Variants in LRRK1 observed in about 807,000 individuals in gnomAD.
The protein encoded by LRRK1 is leucine rich repeat kinase 1.
A neutral mutation model predicts 209.1 loss-of-function variants in LRRK1; 113 were observed. That is an observed-to-expected ratio of 0.54 (90% confidence interval 0.46 to 0.63). The LOEUF (loss-of-function observed/expected upper bound fraction) is 0.63, where lower values mean the gene tolerates loss of function less well. Ranked by LOEUF, LRRK1 falls within the 30% of genes least tolerant of loss-of-function variation. The pLI is 0.00. For synonymous variants in LRRK1, 1,144 were observed against 1,099.7 expected, an observed-to-expected ratio of 1.04 and a Z score of -0.80; for missense variants, 2,284 against 2,632.2, an observed-to-expected ratio of 0.87 and a Z score of 2.89.
At chr15:101,048,254 T>A (rs957676812) in intron 21 of LRRK1, among the ~76,000 whole-genome samples, 4 of 152,164 alleles carry the variant, frequency 2.6e-5, no homozygotes, top group Admixed American at 2.6e-4. Context: ...GGGAAAAAAA[T>A]TTTAAAGGAA....
At chr15:100,957,778 T>C (rs1020909313) in intron 2 of LRRK1, among the ~76,000 whole-genome samples, 1 of 152,248 alleles carries the variant, frequency 6.6e-6, no homozygotes, top group Non-Finnish European at 1.5e-5. Context: ...ATTGGAAAAG[T>C]CAATCCATTT....
At chr15:101,053,977 A>G (rs570503848) in intron 26 of LRRK1, among the ~76,000 whole-genome samples, 1 of 152,196 alleles carries the variant, frequency 6.6e-6, no homozygotes, top group Non-Finnish European at 1.5e-5. Flanking sequence ...TTTTTTAAAC[A>G]GAATTCTTTA....
rs2033853221 is a variant in LRRK1, at chr15:101,022,668, C to G, written c.2067+71C>G. ...TCCCTTGGACTCCTTCTCCCTTCTC[C>G]CCAGAGAGCCCAGGATTTTCTCAGC... On this transcript the variant is annotated intron_variant, in intron 15 of 33. Coordinates refer to ENST00000388948, the MANE Select transcript of LRRK1 (RefSeq NM_024652.6). This position sits in a 1 kb window ranked among gnomAD's most constrained non-coding sequence, Gnocchi z 4.0. 1 of 1,090,652 alleles carries G rather than the reference C, an allele frequency of 9.2e-7. No homozygotes were observed. Among genetic ancestry groups the G allele is most frequent in the East Asian group, 2.6e-5 (1 of 38,636 alleles). The allele number at this position is 1,090,652 out of a possible 1,614,324, so 67.6% of individuals were successfully genotyped here.
intron 3 of LRRK1, among the ~76,000 whole-genome samples, chr15:100,978,090 T>TA (rs368818368): frequency 1.3e-5 from 2 of 151,448 alleles, no homozygotes; most frequent in Non-Finnish European, 2.9e-5. Flanking sequence ...ATTTTAAAAT[T>TA]AAAAAAAAAC....
intron 15 of LRRK1, among the ~76,000 whole-genome samples, chr15:101,023,801 C>A (rs1215172036): frequency 6.6e-6 from 1 of 152,232 alleles, no homozygotes; most frequent in African/African-American, 2.4e-5. Flanking sequence ...GGGTGAAGCG[C>A]TGCCTGTTGG....
At position 100,962,818 on chromosome 15, in the gene LRRK1, TATATA is replaced by T. The variant is rs1343339115; in HGVS notation, c.98-10985_98-10981del. 1.8e-3 allele frequency among the ~76,000 whole-genome samples: 60 copies of T among 33,324 alleles called. 1 individual carries two copies. Among genetic ancestry groups the T allele is most frequent in the African/African-American group, 5.0e-3 (45 of 9,014 alleles). 21.9% of individuals were successfully genotyped at this position (33,324 alleles called of 152,430 possible). A position where few individuals can be genotyped will look rare whatever the true frequency, so the allele number is the denominator to read the frequency against. On this transcript the variant is annotated intron_variant, in intron 2 of 33. Coordinates refer to ENST00000388948, the MANE Select transcript of LRRK1 (RefSeq NM_024652.6). ...GCATATATATATATATATATATATA[TATATA>T]TTTTTTTTTTTTTTTTTGAGATGGA...
chr15:101,012,754 C>T (rs1173174312), intron 10 of LRRK1, among the ~76,000 whole-genome samples: 2 of 152,258 alleles, frequency 1.3e-5, no homozygotes, highest in African/African-American at 4.8e-5. Flanking sequence ...GCGACCCCCA[C>T]AAGGCAGCGA....
chr15:100,994,252 G>A (rs531904174), intron 6 of LRRK1, among the ~76,000 whole-genome samples: 42 of 152,262 alleles, frequency 2.8e-4, no homozygotes, highest in Admixed American at 6.5e-4. Context: ...TTAGACTCCC[G>A]AACACAGTTC....
intron 2 of LRRK1, among the ~76,000 whole-genome samples, chr15:100,927,323 C>T (rs2042133480): frequency 6.6e-6 from 1 of 152,188 alleles, no homozygotes; most frequent in Non-Finnish European, 1.5e-5. Flanking sequence ...AAGTGTGGCA[C>T]TCCCCAGCCC....
At chr15:101,008,057 C>G (rs1201496859) in intron 6 of LRRK1, among the ~76,000 whole-genome samples, 1 of 142,830 alleles carries the variant, frequency 7.0e-6, no homozygotes, top group Non-Finnish European at 1.5e-5. Flanking sequence ...GCAGGAGAAT[C>G]GCTTGAACCC....
At chr15:100,939,429 G>C (rs2042361166) in intron 2 of LRRK1, among the ~76,000 whole-genome samples, 1 of 152,194 alleles carries the variant, frequency 6.6e-6, no homozygotes, top group African/African-American at 2.4e-5. Context: ...ATTAGATTTA[G>C]TAAGATGTTT....
In LRRK1 at chr15:101,029,156, T is replaced by G; in HGVS notation, c.2887T>G (p.Phe963Val). 1 of 1,614,162 alleles carries G rather than the reference T, an allele frequency of 6.2e-7. No homozygotes were observed. Among genetic ancestry groups the G allele is most frequent in the South Asian group, 1.1e-5 (1 of 91,080 alleles). The stretch of plus-strand genomic sequence containing the variant: ...CAGGATGCTGCTGGTGGGGACTGGC[T>G]TCACGCAGCAGACGGAAGAGCAGTA... ...DLRMLLVGTG[F>V]TQQTEEQYFQ... The change falls in exon 20 of 34, where the codon TTC (phenylalanine) becomes GTC (valine). Residue 963 changes from phenylalanine (F) to valine (V), a missense_variant. Around this residue, in one of 6 missense-constraint regions of LRRK1, gnomAD observed 780 missense variants for 985.2 expected, o/e 0.79. Coordinates refer to ENST00000388948, the MANE Select transcript of LRRK1 (RefSeq NM_024652.6).
rs150014696 is a variant in LRRK1 at position 100,938,907 on chromosome 15, C to T, written c.97+14178C>T. 3.9e-5 allele frequency among the ~76,000 whole-genome samples: 6 copies of T among 152,046 alleles called. No individual in the cohort carries two copies. In the East Asian group the frequency reaches 1.2e-3, roughly 29 times the overall value. ...AGGAGTTTGGGACCAACCTGACTAA[C>T]ATGGAGAAACCCCATCTCTACTAAA... On this transcript the variant is annotated intron_variant, in intron 2 of 33. Coordinates refer to ENST00000388948, the MANE Select transcript of LRRK1 (RefSeq NM_024652.6).
chr15:100,933,719 G>A (rs1049847419), intron 2 of LRRK1, among the ~76,000 whole-genome samples: 1 of 149,888 alleles, frequency 6.7e-6, no homozygotes, highest in African/African-American at 2.5e-5. Context: ...CTACTCAGGA[G>A]GCTGAGGCAT....
In LRRK1 at chr15:101,027,382, G is replaced by A; in HGVS notation, c.2526+1G>A. On this transcript the variant is annotated splice_donor_variant, in intron 18 of 33. Transcript: ENST00000388948. LOFTEE classifies it high-confidence loss of function. The surrounding 1 kb of genome is among the most constrained non-coding windows in gnomAD (Gnocchi z 5.1). ...CTGCCAGCGACTGGCAGGGCGGCTG[G>A]TGGGTACCTTGCTGGTCCAGTTTAA... 6.2e-7 allele frequency: 1 copy of A among 1,613,180 alleles called. No homozygotes were observed. The highest frequency in any genetic ancestry group is 8.5e-7 in the Non-Finnish European group (1 of 1,179,916).
At chr15:100,951,188 A>T (rs2042644435) in intron 2 of LRRK1, among the ~76,000 whole-genome samples, 1 of 152,244 alleles carries the variant, frequency 6.6e-6, no homozygotes, top group Non-Finnish European at 1.5e-5. Context: ...ACATGAAAAG[A>T]TGCTCAACAT....
chr15:101,024,193 C>G lies in LRRK1; in HGVS notation c.2068-610C>G, dbSNP rs118071855. ...ACAAAACCAGGTCAGCACACTGTGT[C>G]TTGGAGGCTGATGCTGCCTCACAGA... On this transcript the variant is annotated intron_variant, in intron 15 of 33. Coordinates refer to ENST00000388948, the MANE Select transcript of LRRK1 (RefSeq NM_024652.6). This position sits in a 1 kb window ranked among gnomAD's most constrained non-coding sequence, Gnocchi z 4.6. Among the ~76,000 whole-genome samples, 427 of 152,352 alleles carry G rather than the reference C, an allele frequency of 2.8e-3. No homozygotes were observed. The highest frequency in any genetic ancestry group is 4.7e-3 in the Non-Finnish European group (318 of 68,036).
At chr15:101,016,446 A>G (rs2033543091) in intron 12 of LRRK1, among the ~76,000 whole-genome samples, 1 of 142,322 alleles carries the variant, frequency 7.0e-6, no homozygotes, top group Non-Finnish European at 1.5e-5. Flanking sequence ...TCAGCCTCCC[A>G]AAGTGCTGGG....
intron 2 of LRRK1, among the ~76,000 whole-genome samples, chr15:100,953,316 T>C (rs1316513850): frequency 6.6e-6 from 1 of 152,142 alleles, no homozygotes; most frequent in African/African-American, 2.4e-5. Context: ...GCAACCACCA[T>C]TCACTCTCGG....
Sources: gnomAD v4.1 joint callset for allele counts (sites outside exome capture counted in the v4.1 genomes callset) on GRCh38, gnomAD v4.1.1 for gene constraint, gnomAD v4.1.1 regional missense constraint, Gnocchi (gnomAD v3.1) non-coding constraint, MANE v1.5 for transcripts, NCBI Gene and HGNC (gene_info 2026-07-23, HGNC 2026-07-21) for gene names.